The following EBP variants were observed in gnomAD, a reference collection of about 807,000 sequenced individuals.
The protein encoded by EBP is 3-beta-hydroxysteroid-Delta(8),Delta(7)-isomerase.
In EBP, 1 loss-of-function variant was observed where a neutral mutation model predicts 14.1. The ratio of observed to expected loss-of-function variants is 0.07; its 90% confidence interval spans 0.03 to 0.34. EBP has a LOEUF of 0.34. Among genes scored for constraint, EBP ranks in the 10% least tolerant of loss-of-function variants. The pLI, the probability that EBP is intolerant of heterozygous loss-of-function variation, is 0.99. For missense variants in EBP, 123 were observed against 184.6 expected (o/e 0.67, Z 1.93); for synonymous variants, 72 against 77.7 (o/e 0.93, Z 0.38).
chrX:48,527,616 T>A (rs1424160299), intron 4 of EBP: 1 of 281,846 alleles, frequency 3.5e-6, no homozygotes, highest in Non-Finnish European at 6.4e-6. Flanking sequence ...TTCTGTCATA[T>A]TTTTTTTAAA....
chrX:48,522,815 G>A (rs1012010237), intron 1 of EBP, among the ~76,000 whole-genome samples: 2 of 111,935 alleles, frequency 1.8e-5, no homozygotes, highest in Non-Finnish European at 3.8e-5. Context: ...TGTAACTACA[G>A]GCGCACGCCA....
At chrX:48,525,793 C>T (rs992414799) in intron 2 of EBP, among the ~76,000 whole-genome samples, 3 of 110,135 alleles carry the variant, frequency 2.7e-5, no homozygotes, top group African/African-American at 9.9e-5. Flanking sequence ...AATCTTCTGC[C>T]ATTATAAACA....
Position 48,526,975 on chromosome X carries a change from CTTCTT to C in EBP, c.302-8_302-4del, listed in dbSNP as rs2061780929. On this transcript the variant is annotated splice_polypyrimidine_tract_variant and intron_variant, in intron 2 of 4. Coordinates refer to ENST00000495186, the MANE Select transcript of EBP (RefSeq NM_006579.3). The stretch of plus-strand genomic sequence containing the variant: ...CTGCCTTTATTCTTCATATCTCTCT[CTTCTT>C]TTCTTCAGGGAAAGAGTATGCCAAG... 8 of 1,209,846 alleles carry C rather than the reference CTTCTT, an allele frequency of 6.6e-6. No individual in the cohort carries two copies. In the African/African-American group the frequency reaches 1.4e-4, roughly 21 times the overall value.
rs190518823 is a variant in EBP, at chrX:48,526,487, C to T, written c.302-502C>T. 8.9e-3 allele frequency among the ~76,000 whole-genome samples: 981 copies of T among 110,098 alleles called. 7 individuals are homozygous for T. The highest frequency in any genetic ancestry group is 0.014 in the Non-Finnish European group (753 of 52,759). ...CTGGGACTGTAGGCACGTGCCACCA[C>T]GTCCAGCTAATTTTTGTATGTTTTA... is the stretch of plus-strand genomic sequence containing the variant. On this transcript the variant is annotated intron_variant, in intron 2 of 4. Coordinates refer to ENST00000495186, the MANE Select transcript of EBP (RefSeq NM_006579.3).
chrX:48,521,883 G>C lies in EBP; in HGVS notation c.-98G>C, dbSNP rs1289702405. On this transcript the variant is annotated 5_prime_UTR_variant, in exon 1 of 5. Coordinates refer to ENST00000495186, the MANE Select transcript of EBP (RefSeq NM_006579.3). The stretch of plus-strand genomic sequence containing the variant: ...TAAAGAGAGCCCGGAGCCAGCGTGG[G>C]AGGCCGCTGCCGTCGCGCGCCTTGG... 2 of 113,612 alleles carry C rather than the reference G, an allele frequency of 1.8e-5. No individual in the cohort carries two copies. Among genetic ancestry groups the C allele is most frequent in the Non-Finnish European group, 3.7e-5 (2 of 53,363 alleles). The allele number at this position is 113,612 out of a possible 1,213,427, so 9.4% of individuals were successfully genotyped here. A position where few individuals can be genotyped will look rare whatever the true frequency, so the allele number is the denominator to read the frequency against.
chrX:48,522,013 C>A (rs2061763280), intron 1 of EBP, 106 bp downstream of exon 1: 1 of 109,570 alleles, frequency 9.1e-6, no homozygotes, highest in South Asian at 3.9e-4. Flanking sequence ...GCCCCCCCCA[C>A]CGCCCTTTTG....
intron 2 of EBP, chrX:48,526,788 T>C: frequency 2.1e-6 from 1 of 479,073 alleles, no homozygotes; most frequent in South Asian, 3.0e-5. Context: ...GCCACACTGT[T>C]TTGTGTCAGG....
At chrX:48,526,342 CTT>C (rs143091554) in intron 2 of EBP, among the ~76,000 whole-genome samples, 65 of 89,109 alleles carry the variant, frequency 7.3e-4, no homozygotes, top group Non-Finnish European at 1.4e-3. Context: ...TTCTTTCTTT[CTT>C]TTTTTTTTTT....
At chrX:48,528,099 T>A (rs781965039) in intron 4 of EBP, 135 bp from the exon 5 acceptor site, 1 of 530,691 alleles carries the variant, frequency 1.9e-6, no homozygotes, top group South Asian at 3.2e-5. Flanking sequence ...ATTTCTCAGA[T>A]TTTCAGCTCT....
chrX:48,524,490 G>C (rs1443710207), intron 2 of EBP: 4 of 128,112 alleles, frequency 3.1e-5, no homozygotes, highest in African/African-American at 1.3e-4. Context: ...GCCGGGTGTG[G>C]TGGCACACGC....
In EBP at chrX:48,528,347, C is replaced by T; in HGVS notation, c.583C>T (p.Leu195=). The change falls in exon 5 of 5, where the codon CTG becomes TTG. Residue 195 remains leucine, a synonymous_variant. Transcript: ENST00000495186. ...FWFYFVFMNA[L]WLVLPGVLVL... is the part of the protein sequence containing the mutation. ...GTTTTACTTTGTCTTCATGAATGCCCTGTGGCTGGTGCTGCCTGGAGTCCT... is the reference window on the plus strand; with the variant it reads ...GTTTTACTTTGTCTTCATGAATGCCTTGTGGCTGGTGCTGCCTGGAGTCCT... 8.3e-7 allele frequency: 1 copy of T among 1,204,552 alleles called. No homozygotes were observed. Among genetic ancestry groups the T allele is most frequent in the Non-Finnish European group, 1.1e-6 (1 of 891,691 alleles).
At chrX:48,522,842 T>A (rs782671612) in intron 1 of EBP, among the ~76,000 whole-genome samples, 6 of 111,086 alleles carry the variant, frequency 5.4e-5, no homozygotes, top group Non-Finnish European at 9.4e-5. Context: ...CTGGCTAATT[T>A]TTGTATTTTT....
rs782299900 is a variant in EBP at position 48,523,711 on chromosome X, C to CT, written c.-43dup. 90,382 of 796,372 alleles carry CT rather than the reference C, an allele frequency of 0.11. 3,364 individuals carry two copies. The highest frequency in any genetic ancestry group is 0.15 in the East Asian group (3,537 of 24,156). The allele number at this position is 796,372 out of a possible 1,213,427, so 65.6% of individuals were successfully genotyped here. A position where few individuals can be genotyped will look rare whatever the true frequency, so the allele number is the denominator to read the frequency against. The stretch of plus-strand genomic sequence containing the variant: ...TCTATTTGTCCAGGTTTTTCTGTTC[C>CT]TTTTTTTTTTTTTTTTTTAACTTCC... On this transcript the variant is annotated 5_prime_UTR_variant, in exon 2 of 5. Transcript: ENST00000495186.
Position 48,523,711 on chromosome X carries a change from C to CTTTTTTTTTTTTTTTTTTT in EBP, c.-43_-42insTTTTTTTTTTTTTTTTTTT. 1.2e-6 allele frequency: 1 copy of CTTTTTTTTTTTTTTTTTTT among 864,909 alleles called. No individual in the cohort carries two copies. The highest frequency in any genetic ancestry group is 1.6e-6 in the Non-Finnish European group (1 of 634,396). 71.3% of individuals were successfully genotyped at this position (864,909 alleles called of 1,213,427 possible). ...TCTATTTGTCCAGGTTTTTCTGTTC[C>CTTTTTTTTTTTTTTTTTTT]TTTTTTTTTTTTTTTTTTAACTTCC... On this transcript the variant is annotated 5_prime_UTR_variant, in exon 2 of 5. Transcript: ENST00000495186.
Position 48,528,487 on chromosome X carries a change from C to G in EBP, c.*30C>G, listed in dbSNP as rs782642310. The G allele has an allele frequency of 2.4e-5, 27 of 1,109,130 alleles. No individual in the cohort carries two copies. Among genetic ancestry groups the G allele is most frequent in the African/African-American group, 3.7e-5 (2 of 54,548 alleles). The allele number at this position is 1,109,130 out of a possible 1,213,427, so 91.4% of individuals were successfully genotyped here. A position where few individuals can be genotyped will look rare whatever the true frequency, so the allele number is the denominator to read the frequency against. On this transcript the variant is annotated 3_prime_UTR_variant, in exon 5 of 5. Coordinates refer to ENST00000495186, the MANE Select transcript of EBP (RefSeq NM_006579.3). ...TGGTGGACCAGGCTCGAACACTGGCCGAGGAGGAGCTCTCTGCCTGCCAGA... is the reference window on the plus strand; with the variant it reads ...TGGTGGACCAGGCTCGAACACTGGCGGAGGAGGAGCTCTCTGCCTGCCAGA...
intron 2 of EBP, chrX:48,524,680 T>C (rs1556977224): frequency 9.1e-6 from 1 of 109,732 alleles, no homozygotes; most frequent in Non-Finnish European, 1.9e-5. Flanking sequence ...TTTGCCCTTC[T>C]CTAAAACTGG....
intron 2 of EBP, among the ~76,000 whole-genome samples, chrX:48,525,422 A>G (rs1281307730): frequency 9.0e-6 from 1 of 111,588 alleles, no homozygotes; most frequent in Non-Finnish European, 1.9e-5. Flanking sequence ...GCTAGAGTGC[A>G]GTGGCATGAT....
chrX:48,524,391 G>T, intron 2 of EBP: 2 of 162,109 alleles, frequency 1.2e-5, no homozygotes, highest in Non-Finnish European at 2.4e-5. Flanking sequence ...ACTTTGGGAG[G>T]CCGAGGCAGG....
rs145509273 is a variant in EBP, at chrX:48,524,032, C to T, written c.261C>T (p.Tyr87=). 1.2e-5 allele frequency: 14 copies of T among 1,209,623 alleles called. No homozygotes were observed. The highest frequency in any genetic ancestry group is 1.1e-4 in the African/African-American group (6 of 57,089). ...TCGAGGGCTGGTTCGTTCTCTACTACGAAGACCTGCTTGGAGACCAAGCCT... is the reference window on the plus strand; with the variant it reads ...TCGAGGGCTGGTTCGTTCTCTACTATGAAGACCTGCTTGGAGACCAAGCCT... ...LVIEGWFVLY[Y]EDLLGDQAFL... is the part of the protein sequence containing the mutation. The change falls in exon 2 of 5, where the codon TAC becomes TAT. Residue 87 remains tyrosine (Y), a synonymous_variant. Transcript: ENST00000495186.
Sources: gnomAD v4.1 joint callset for allele counts (sites outside exome capture counted in the v4.1 genomes callset) on GRCh38, gnomAD v4.1.1 for gene constraint, MANE v1.5 for transcripts, NCBI Gene and HGNC (gene_info 2026-07-23, HGNC 2026-07-21) for gene names.